LMLN: variants seen among roughly 807,000 people sequenced by gnomAD.
LMLN encodes the protein leishmanolysin like peptidase.
Under a neutral mutation model 92.3 loss-of-function variants are expected in LMLN, and 70 were observed. The observed-to-expected ratio is 0.76, with a 90% CI of 0.63 to 0.92. The LOEUF (loss-of-function observed/expected upper bound fraction) is 0.92, where lower values mean the gene tolerates loss of function less well. LMLN is among the 40% of genes least tolerant of loss of function. The pLI, the probability that LMLN is intolerant of heterozygous loss-of-function variation, is 0.00. For missense variants in LMLN, 691 were observed against 814.6 expected (o/e 0.85, Z 1.85); for synonymous variants, 308 against 296.2 (o/e 1.04, Z -0.41).
At chr3:197,999,653 G>T in intron 11 of LMLN, 1 of 247,828 alleles carries the variant, frequency 4.0e-6, no homozygotes, top group Non-Finnish European at 7.8e-6. Flanking sequence ...TCAGCTTCCT[G>T]CGTGGCTGGG....
chr3:197,987,910 A>G (rs1015770376), intron 8 of LMLN, among the ~76,000 whole-genome samples: 1 of 152,138 alleles, frequency 6.6e-6, no homozygotes, highest in Admixed American at 6.5e-5. Context: ...TATTTCCAGG[A>G]CTATAGTGAG....
intron 5 of LMLN, among the ~76,000 whole-genome samples, 167 bp downstream of exon 5, chr3:197,976,882 G>C (rs1721399055): frequency 6.6e-6 from 1 of 152,340 alleles, no homozygotes; most frequent in African/African-American, 2.4e-5. Flanking sequence ...TTTCAAGTGA[G>C]TTTAATGGTA....
In LMLN at chr3:197,970,083, C is replaced by T. The variant is rs559274666; in HGVS notation, c.220-4294C>T. 5.9e-5 allele frequency among the ~76,000 whole-genome samples: 9 copies of T among 152,008 alleles called. No individual in the cohort carries two copies. The East Asian group carries it at 1.2e-3, about 20-fold the overall frequency. On this transcript the variant is annotated intron_variant, in intron 1 of 15. Transcript: ENST00000330198. ...AGGAGAATTGCTTGAACCCAGGAGGCGGAGGTTGCAGTGAGCCAAGATTGT... is the reference window on the plus strand; with the variant it reads ...AGGAGAATTGCTTGAACCCAGGAGGTGGAGGTTGCAGTGAGCCAAGATTGT...
At chr3:197,987,047 C>T (rs1482430197) in intron 8 of LMLN, among the ~76,000 whole-genome samples, 1 of 151,576 alleles carries the variant, frequency 6.6e-6, no homozygotes, top group Non-Finnish European at 1.5e-5. Flanking sequence ...ACCATGTTGG[C>T]CAGGCTGGTC....
At chr3:197,971,944 CTTT>C (rs756710031) in intron 1 of LMLN, among the ~76,000 whole-genome samples, 9 of 81,218 alleles carry the variant, frequency 1.1e-4, no homozygotes, top group African/African-American at 3.3e-4. Context: ...AGTCTCTGTT[CTTT>C]TTTTTTTTTT....
chr3:198,027,041 C>G (rs928229312), intron 14 of LMLN, among the ~76,000 whole-genome samples: 4 of 152,044 alleles, frequency 2.6e-5, no homozygotes, highest in Non-Finnish European at 4.4e-5. Flanking sequence ...TGGTTTGATT[C>G]CATCGGTTGG....
intron 1 of LMLN, among the ~76,000 whole-genome samples, chr3:197,961,966 C>G (rs570927541): frequency 6.6e-6 from 1 of 152,154 alleles, no homozygotes; most frequent in African/African-American, 2.4e-5. Context: ...ATACTTTCAG[C>G]CATTCCGCAG....
chr3:198,015,364 C>T (rs1581170741), intron 11 of LMLN, among the ~76,000 whole-genome samples: 1 of 37,044 alleles, frequency 2.7e-5, no homozygotes, highest in Non-Finnish European at 4.9e-5. Flanking sequence ...CTTCAGAGCC[C>T]CCTAACTAGT....
intron 13 of LMLN, 65 bp from the exon 15 acceptor site, chr3:198,024,593 G>C: frequency 7.5e-7 from 1 of 1,326,586 alleles, no homozygotes; most frequent in Non-Finnish European, 1.0e-6. Context: ...AAAATGGAAT[G>C]GTTCAGTTTC....
At chr3:198,035,261 A>G (rs1486374837) in intron 14 of LMLN, among the ~76,000 whole-genome samples, 5 of 151,386 alleles carry the variant, frequency 3.3e-5, no homozygotes, top group Admixed American at 3.3e-4. Context: ...AAAAGTGTCC[A>G]TAGCTTCCAT....
chr3:197,976,451 C>G, intron 4 of LMLN, 147 bp from the exon 5 acceptor site: 1 of 545,040 alleles, frequency 1.8e-6, no homozygotes. Flanking sequence ...CTATAGAACC[C>G]AAATTCTTTC....
At chr3:197,992,159 C>T (rs1178992146) in intron 9 of LMLN, among the ~76,000 whole-genome samples, 3 of 150,990 alleles carry the variant, frequency 2.0e-5, no homozygotes, top group Non-Finnish European at 2.9e-5. Flanking sequence ...TCTGTGTGTA[C>T]ATATATATAG....
intron 1 of LMLN, among the ~76,000 whole-genome samples, chr3:197,965,703 C>T (rs935543260): frequency 2.7e-4 from 41 of 152,260 alleles, no homozygotes; most frequent in African/African-American, 9.9e-4. Context: ...CGCTTGAGCT[C>T]AGGAGTTCAA....
rs759910305 is a variant in LMLN, at chr3:197,960,296, C to T, written c.75C>T (p.Gly25=). 9.3e-6 allele frequency: 15 copies of T among 1,613,808 alleles called. No homozygotes were observed. In the Middle Eastern group the frequency reaches 2.3e-3, roughly 249 times the overall value. Residue 25 remains glycine, a synonymous_variant, in exon 1 of 16, where the codon GGC becomes GGT. Coordinates refer to ENST00000330198, the Ensembl canonical transcript of LMLN. ...TGGGTTACTCGGGCTCAGGCCCGGGCCGGAGCCGGTGGCGCTGGAGCGGGT... is the reference window on the plus strand; with the variant it reads ...TGGGTTACTCGGGCTCAGGCCCGGGTCGGAGCCGGTGGCGCTGGAGCGGGT...
At chr3:198,039,332 TAAAC>T (rs1025894400) in exon 16 of LMLN, 4 of 152,312 alleles carry the variant, frequency 2.6e-5, no homozygotes, top group African/African-American at 9.6e-5. Flanking sequence ...TGCAGTCACT[TAAAC>T]AACAGCCAAT....
chr3:197,988,342 T>C lies in LMLN; in HGVS notation c.930-2217T>C, dbSNP rs1054329300. Among the ~76,000 whole-genome samples, 5 of 152,038 alleles carry C rather than the reference T, an allele frequency of 3.3e-5. 1 individual carries two copies. Among genetic ancestry groups the C allele is most frequent in the Non-Finnish European group, 7.4e-5 (5 of 68,012 alleles). On this transcript the variant is annotated intron_variant, in intron 8 of 15. Coordinates refer to ENST00000330198, the Ensembl canonical transcript of LMLN. ...TTATAAAAATATTCTCCTACATTTATTCTAGTAAATTATTATTCGATTTCT... is the reference window on the plus strand; with the variant it reads ...TTATAAAAATATTCTCCTACATTTACTCTAGTAAATTATTATTCGATTTCT...
intron 14 of LMLN, among the ~76,000 whole-genome samples, chr3:198,029,967 C>T (rs1422007505): frequency 6.6e-6 from 1 of 151,950 alleles, no homozygotes; most frequent in Non-Finnish European, 1.5e-5. Context: ...CTCAGCCTCC[C>T]AAGTAGCTGG....
chr3:197,973,244 AT>A (rs11434027), intron 1 of LMLN, among the ~76,000 whole-genome samples: 478 of 142,250 alleles, frequency 3.4e-3, no homozygotes, highest in Middle Eastern at 0.011. Flanking sequence ...GACATTTCTG[AT>A]TTTTTTTTTT....
intron 10 of LMLN, among the ~76,000 whole-genome samples, chr3:197,998,359 G>A (rs939243155): frequency 5.3e-5 from 8 of 152,148 alleles, no homozygotes; most frequent in African/African-American, 1.9e-4. Context: ...TGACCACAAA[G>A]TAACAATGAT....
Sources: allele counts gnomAD v4.1 joint callset (sites outside exome capture counted in the v4.1 genomes callset), GRCh38; gene constraint gnomAD v4.1.1; transcripts MANE v1.5; gene names NCBI Gene and HGNC (gene_info 2026-07-23, HGNC 2026-07-21).